The following ARID2 variants were observed in gnomAD, a reference collection of about 807,000 sequenced individuals.
ARID2 encodes AT-rich interactive domain-containing protein 2.
Under a neutral mutation model 184.6 loss-of-function variants are expected in ARID2, and 32 were observed. The observed-to-expected ratio is 0.17, with a 90% CI of 0.13 to 0.23. The LOEUF is 0.23. Ranked by LOEUF, ARID2 falls within the 10% of genes least tolerant of loss-of-function variation. The pLI is 1.00. For missense variants in ARID2, 1,696 were observed against 2,197.6 expected (o/e 0.77, Z 4.56); for synonymous variants, 836 against 772.6 (o/e 1.08, Z -1.36).
At chr12:45,734,038 G>A (rs2137967139) in intron 3 of ARID2, among the ~76,000 whole-genome samples, 1 of 152,264 alleles carries the variant, frequency 6.6e-6, no homozygotes, top group Non-Finnish European at 1.5e-5. Flanking sequence ...TTAAAAAAAA[G>A]TAAAGTGCTT....
chr12:45,899,649 T>TTATATA (rs1565644760), intron 20 of ARID2, among the ~76,000 whole-genome samples: 1 of 73,058 alleles, frequency 1.4e-5, no homozygotes, highest in Non-Finnish European at 2.8e-5. Context: ...ATATATATAT[T>TTATATA]TGGTTATATA....
At chr12:45,826,161 T>C (rs1186013036) in intron 6 of ARID2, among the ~76,000 whole-genome samples, 1 of 152,086 alleles carries the variant, frequency 6.6e-6, no homozygotes, top group Non-Finnish European at 1.5e-5. Context: ...TATTTTTACT[T>C]GAATTAAAAG....
intron 6 of ARID2, among the ~76,000 whole-genome samples, chr12:45,825,242 G>A (rs1054204727): frequency 1.3e-5 from 2 of 152,022 alleles, no homozygotes; most frequent in African/African-American, 4.8e-5. Flanking sequence ...GAGAAGATTT[G>A]AAATGCTCCC....
chr12:45,849,901 C>T, intron 14 of ARID2, 125 bp downstream of exon 14: 4 of 1,409,048 alleles, frequency 2.8e-6, no homozygotes, highest in Non-Finnish European at 3.8e-6. Flanking sequence ...CTTACTTGGT[C>T]TATTACCATA....
intron 16 of ARID2, chr12:45,881,624 G>T: frequency 6.2e-6 from 1 of 160,210 alleles, no homozygotes. Context: ...TGTGGCCTAG[G>T]AGGTTGTCTC....
intron 6 of ARID2, among the ~76,000 whole-genome samples, chr12:45,828,822 A>G (rs567443511): frequency 2.0e-5 from 3 of 151,716 alleles, no homozygotes; most frequent in South Asian, 2.1e-4. Flanking sequence ...TTTTTTTTCT[A>G]TATTTTGGAT....
At chr12:45,812,689 GTGATGTGC>G (rs1942731562) in intron 4 of ARID2, among the ~76,000 whole-genome samples, 1 of 152,128 alleles carries the variant, frequency 6.6e-6, no homozygotes, top group South Asian at 2.1e-4. Flanking sequence ...GACTTGTTAG[GTGATGTGC>G]TCCTTGTTTC....
intron 3 of ARID2, among the ~76,000 whole-genome samples, chr12:45,783,470 T>C (rs1002381878): frequency 3.3e-5 from 5 of 152,190 alleles, no homozygotes; most frequent in African/African-American, 9.7e-5. Context: ...TGGTGAAATG[T>C]TAGAGCAGTG....
chr12:45,883,522 A>G (rs1312585171), intron 16 of ARID2, among the ~76,000 whole-genome samples: 2 of 149,076 alleles, frequency 1.3e-5, no homozygotes, highest in South Asian at 2.2e-4. Context: ...GGAGAATTAT[A>G]TACCAATGCT....
At chr12:45,874,682 G>A (rs1243776811) in intron 16 of ARID2, among the ~76,000 whole-genome samples, 2 of 152,184 alleles carry the variant, frequency 1.3e-5, no homozygotes, top group African/African-American at 4.8e-5. Flanking sequence ...TCCTGCTAAT[G>A]TTCATATTTC....
chr12:45,831,117 G>A (rs943964405), intron 6 of ARID2, among the ~76,000 whole-genome samples: 5 of 150,950 alleles, frequency 3.3e-5, no homozygotes. Context: ...GCTGTTGTAT[G>A]TGTTTTCATT....
rs371554995 is a variant in ARID2 at position 45,851,740 on chromosome 12, C to G, written c.3617C>G (p.Thr1206Arg). Residue 1206 changes from threonine to arginine, a missense_variant, in exon 15 of 21, where the codon ACG becomes AGG. By Grantham distance (71) the Thr-to-Arg change is moderately conservative. Coordinates refer to ENST00000334344, the MANE Select transcript of ARID2 (RefSeq NM_152641.4). The part of the protein sequence containing the change: ...IAPAGITMSG[T>R]QTGVGLPVQT... ...CCAGCAGGAATTACCATGAGCGGAA[C>G]GCAGACAGGAGTTGGACTTCCAGTA... is the stretch of plus-strand genomic sequence containing the variant. 1 of 1,614,120 alleles carries G rather than the reference C, an allele frequency of 6.2e-7. No individual in the cohort carries two copies. Among genetic ancestry groups the G allele is most frequent in the South Asian group, 1.1e-5 (1 of 91,084 alleles).
At chr12:45,795,735 C>T (rs1016721190) in intron 3 of ARID2, among the ~76,000 whole-genome samples, 2 of 152,106 alleles carry the variant, frequency 1.3e-5, no homozygotes, top group East Asian at 1.9e-4. Context: ...CGCGCCTGGC[C>T]TCTCTGTTCT....
chr12:45,788,368 A>G (rs1220330968), intron 3 of ARID2, among the ~76,000 whole-genome samples: 1 of 152,184 alleles, frequency 6.6e-6, no homozygotes. Flanking sequence ...AAACCTCAAG[A>G]TCATGTAGCT....
chr12:45,774,495 T>C (rs1449582349), intron 3 of ARID2, among the ~76,000 whole-genome samples: 1 of 152,146 alleles, frequency 6.6e-6, no homozygotes, highest in African/African-American at 2.4e-5. Flanking sequence ...ACTTTTAGCA[T>C]CTTTTTCCCC....
intron 18 of ARID2, among the ~76,000 whole-genome samples, chr12:45,892,920 A>T (rs1277530235): frequency 6.6e-6 from 1 of 152,184 alleles, no homozygotes; most frequent in East Asian, 1.9e-4. Context: ...AATAGTTGGA[A>T]ATGTGGTATT....
At chr12:45,865,493 A>T (rs1943817697) in intron 16 of ARID2, among the ~76,000 whole-genome samples, 1 of 152,032 alleles carries the variant, frequency 6.6e-6, no homozygotes, top group Non-Finnish European at 1.5e-5. Flanking sequence ...TTTGTCCTAG[A>T]TGAAGGGTTT....
chr12:45,892,170 A>G (rs910643817), intron 18 of ARID2, 74 bp downstream of exon 18: 21 of 1,447,152 alleles, frequency 1.5e-5, no homozygotes, highest in Admixed American at 2.1e-5. Context: ...ATGAAACGCA[A>G]CTTAGCATAT....
chr12:45,803,064 TC>T (rs1942536131), intron 3 of ARID2, among the ~76,000 whole-genome samples: 3 of 152,156 alleles, frequency 2.0e-5, no homozygotes, highest in Admixed American at 6.5e-5. Context: ...AACATGTTTT[TC>T]TGAAAGTCTT....
Sources: gnomAD v4.1 joint callset for allele counts (sites outside exome capture counted in the v4.1 genomes callset) on GRCh38, gnomAD v4.1.1 for gene constraint, MANE v1.5 for transcripts, NCBI Gene and HGNC (gene_info 2026-07-23, HGNC 2026-07-21) for gene names.